The following CHODL variants were observed in gnomAD, a reference collection of about 807,000 sequenced individuals.
CHODL encodes transmembrane protein MT75.
A neutral mutation model predicts 34.5 loss-of-function variants in CHODL; 29 were observed. The ratio of observed to expected loss-of-function variants is 0.84; its 90% CI spans 0.63 to 1.15. CHODL has a LOEUF of 1.15. Among genes scored for constraint, CHODL ranks in the 50% most tolerant of loss-of-function variants. CHODL has a pLI of 0.00. For missense variants in CHODL, 332 were observed against 332.5 expected, an observed-to-expected ratio of 1.00 and a Z score of 0.01; for synonymous variants, 125 against 116.1, an observed-to-expected ratio of 1.08 and a Z score of -0.49.
rs145142135 is a variant in CHODL, at chr21:18,260,118, TATAATATAA to T, written c.548-81_548-73del. 6.3e-3 allele frequency: 3,098 copies of T among 487,952 alleles called. 75 individuals are homozygous for T. The highest frequency in any genetic ancestry group is 0.055 in the African/African-American group (2,748 of 49,616). 30.2% of individuals were successfully genotyped at this position (487,952 alleles called of 1,614,324 possible). On this transcript the variant is annotated intron_variant, in intron 3 of 5. Transcript: ENST00000299295. ...AATCAAAATTGTGATGTTTTTATTTTATAATATAATTTCATATTTATATATATTTTCAAT... is the reference window on the plus strand; with the variant it reads ...AATCAAAATTGTGATGTTTTTATTTTTTTCATATTTATATATATTTTCAAT...
At chr21:18,252,431 G>T (rs2074269133) in intron 1 of CHODL, among the ~76,000 whole-genome samples, 1 of 152,106 alleles carries the variant, frequency 6.6e-6, no homozygotes, top group Non-Finnish European at 1.5e-5. Context: ...CAGAAGATCT[G>T]CATTAACAAA....
chr21:18,023,865 AT>A, intron 1 of CHODL, among the ~76,000 whole-genome samples: 1 of 152,326 alleles, frequency 6.6e-6, no homozygotes, highest in South Asian at 2.1e-4. Flanking sequence ...TTGCTATGGA[AT>A]ATAAACGCTT....
At chr21:18,255,772 A>T (rs895018187) in intron 1 of CHODL, among the ~76,000 whole-genome samples, 11 of 152,106 alleles carry the variant, frequency 7.2e-5, no homozygotes, top group African/African-American at 2.7e-4. Context: ...TTTATCACTT[A>T]TCAGAGATGT....
chr21:18,095,152 A>C (rs1475187695), intron 2 of CHODL, among the ~76,000 whole-genome samples: 1 of 151,998 alleles, frequency 6.6e-6, no homozygotes, highest in African/African-American at 2.4e-5. Context: ...AAGAAAAATA[A>C]TAAAAGAGCA....
At chr21:18,219,637 A>G (rs1415633280) in intron 2 of CHODL, among the ~76,000 whole-genome samples, 1 of 152,074 alleles carries the variant, frequency 6.6e-6, no homozygotes, top group African/African-American at 2.4e-5. Flanking sequence ...GGATAAGTTT[A>G]TGTCTTATTG....
chr21:18,070,030 C>CCTT (rs1568870140), intron 2 of CHODL, among the ~76,000 whole-genome samples: 1 of 45,304 alleles, frequency 2.2e-5, no homozygotes, highest in African/African-American at 6.5e-5. Context: ...TTCCCTCCCC[C>CCTT]CCCCCACCCA....
intron 2 of CHODL, among the ~76,000 whole-genome samples, chr21:18,069,883 TAC>T (rs996666525): frequency 6.6e-6 from 1 of 151,768 alleles, no homozygotes; most frequent in African/African-American, 2.4e-5. Context: ...GTGCTGAGAT[TAC>T]AGACATGAGC....
chr21:18,229,693 G>T (rs2073961855), intron 2 of CHODL, among the ~76,000 whole-genome samples: 1 of 152,018 alleles, frequency 6.6e-6, no homozygotes, highest in Non-Finnish European at 1.5e-5. Flanking sequence ...TTTGTTTTCT[G>T]GGCAACAAAT....
intron 2 of CHODL, among the ~76,000 whole-genome samples, chr21:18,094,779 A>G (rs2065118579): frequency 6.6e-6 from 1 of 151,670 alleles, no homozygotes; most frequent in Non-Finnish European, 1.5e-5. Flanking sequence ...CTAATAGCAC[A>G]TCTTAATAAA....
chr21:18,137,023 C>T (rs911443711), intron 2 of CHODL, among the ~76,000 whole-genome samples: 1 of 151,952 alleles, frequency 6.6e-6, no homozygotes, highest in Non-Finnish European at 1.5e-5. Flanking sequence ...GCTTGCCATC[C>T]CTAACTATTA....
intron 2 of CHODL, among the ~76,000 whole-genome samples, chr21:18,170,715 A>G (rs537967110): frequency 2.0e-5 from 3 of 152,278 alleles, no homozygotes; most frequent in African/African-American, 7.2e-5. Context: ...ATTGTCATTC[A>G]TGTGAGACTT....
chr21:18,079,042 G>C (rs1379227658), intron 2 of CHODL, among the ~76,000 whole-genome samples: 1 of 152,114 alleles, frequency 6.6e-6, no homozygotes, highest in Non-Finnish European at 1.5e-5. Flanking sequence ...ATATTGTATA[G>C]TGGTAAAGCC....
intron 2 of CHODL, among the ~76,000 whole-genome samples, chr21:18,044,611 G>A (rs1866816947): frequency 6.6e-6 from 1 of 151,960 alleles, no homozygotes; most frequent in East Asian, 2.0e-4. Context: ...ATTTCAAGCA[G>A]ATAATCTTCT....
At chr21:18,217,498 G>A (rs1001926701) in intron 2 of CHODL, among the ~76,000 whole-genome samples, 8 of 151,394 alleles carry the variant, frequency 5.3e-5, no homozygotes, top group Admixed American at 3.3e-4. Context: ...CTGCCCCCCC[G>A]ACTCAATAAC....
chr21:17,976,628 T>C (rs1415751676), intron 1 of CHODL, among the ~76,000 whole-genome samples: 2 of 152,234 alleles, frequency 1.3e-5, no homozygotes, highest in East Asian at 3.8e-4. Flanking sequence ...CACTTGACAC[T>C]GTAATCTTCT....
intron 2 of CHODL, among the ~76,000 whole-genome samples, chr21:18,113,335 G>A (rs1401416144): frequency 1.3e-5 from 1 of 76,440 alleles, no homozygotes; most frequent in Non-Finnish European, 2.5e-5. Flanking sequence ...CCACTATGGA[G>A]GACAGTCTGG....
intron 1 of CHODL, among the ~76,000 whole-genome samples, chr21:18,002,653 T>G (rs1463711040): frequency 6.6e-6 from 1 of 152,132 alleles, no homozygotes; most frequent in East Asian, 1.9e-4. Context: ...ACCTTAGCCC[T>G]AGCCCTAGCA....
At chr21:18,243,691 G>T (rs1214750369), upstream of CHODL, among the ~76,000 whole-genome samples, 1 of 152,044 alleles carries the variant, frequency 6.6e-6, no homozygotes, top group Non-Finnish European at 1.5e-5. Context: ...CTACTGTCAC[G>T]AGTAGGGTGC....
intron 1 of CHODL, among the ~76,000 whole-genome samples, chr21:17,940,743 T>C (rs935444586): frequency 1.3e-5 from 2 of 152,230 alleles, no homozygotes; most frequent in Non-Finnish European, 2.9e-5. Flanking sequence ...GGTGTATCTA[T>C]CTGTTGTGAG....
Sources: allele counts gnomAD v4.1 joint callset (sites outside exome capture counted in the v4.1 genomes callset), GRCh38; gene constraint gnomAD v4.1.1; transcripts MANE v1.5; gene names NCBI Gene and HGNC (gene_info 2026-07-23, HGNC 2026-07-21).